The following PCDHA12 variants were observed in gnomAD, a reference collection of about 807,000 sequenced individuals.
PCDHA12 encodes protocadherin alpha-12.
PCDHA12 carries 44 observed loss-of-function variants against 60.0 expected under a neutral mutation model. The observed-to-expected ratio is 0.73, with a 90% CI of 0.58 to 0.94. The LOEUF is 0.94. PCDHA12 is among the 40% of genes least tolerant of loss of function. The pLI, the probability that PCDHA12 is intolerant of heterozygous loss-of-function variation, is 0.00. For synonymous variants in PCDHA12, 569 were observed against 553.0 expected (o/e 1.03, Z -0.40); for missense variants, 1,276 against 1,239.7 (o/e 1.03, Z -0.44).
intron 1 of PCDHA12, among the ~76,000 whole-genome samples, chr5:140,950,449 T>G (rs1377637881): frequency 4.6e-5 from 7 of 152,088 alleles, no homozygotes; most frequent in African/African-American, 1.7e-4. Flanking sequence ...GTTATTCTAC[T>G]GTCTTCTAAT....
Position 140,918,319 on chromosome 5 carries a change from A to T in PCDHA12, c.2367+40480A>T, listed in dbSNP as rs568659309. Among the ~76,000 whole-genome samples, 8 of 152,266 alleles carry T rather than the reference A, an allele frequency of 5.3e-5. No individual in the cohort carries two copies. In the South Asian group the frequency reaches 1.7e-3, roughly 32 times the overall value. ...GAATATAGGGTTTTCTAGGTATAAAATTATATTGTCTGCTAAGAGAGATAG... is the reference window on the plus strand; with the variant it reads ...GAATATAGGGTTTTCTAGGTATAAATTTATATTGTCTGCTAAGAGAGATAG... On this transcript the variant is annotated intron_variant, in intron 1 of 3. Coordinates refer to ENST00000398631, the MANE Select transcript of PCDHA12 (RefSeq NM_018903.4).
Position 140,982,613 on chromosome 5 carries a change from A to G in PCDHA12, c.2515+50A>G, listed in dbSNP as rs201150239. ...CTTTCTTGGTTTCTGGAAAGTGATC[A>G]GATGACCTACTTTTGTAAGATCAGG... On this transcript the variant is annotated intron_variant, in intron 3 of 3. Transcript: ENST00000398631. 2.7e-5 allele frequency: 43 copies of G among 1,599,298 alleles called. No individual in the cohort carries two copies. The Admixed American group carries it at 7.0e-4, about 26-fold the overall frequency.
At chr5:140,952,104 C>T (rs1009516552) in intron 1 of PCDHA12, among the ~76,000 whole-genome samples, 3 of 152,102 alleles carry the variant, frequency 2.0e-5, no homozygotes, top group South Asian at 2.1e-4. Flanking sequence ...AGGGCACACT[C>T]GTGTGAGGGA....
At chr5:141,006,445 C>T (rs1202981865) in intron 3 of PCDHA12, among the ~76,000 whole-genome samples, 2 of 152,062 alleles carry the variant, frequency 1.3e-5, no homozygotes, top group Non-Finnish European at 2.9e-5. Context: ...AATCTCCTGA[C>T]CTCGAGATCT....
At chr5:140,934,171 A>C (rs965826085) in intron 1 of PCDHA12, among the ~76,000 whole-genome samples, 11 of 152,160 alleles carry the variant, frequency 7.2e-5, no homozygotes, top group African/African-American at 2.7e-4. Context: ...GTGCAACAGA[A>C]GTACTCTAAA....
At chr5:141,002,759 G>A (rs1312107218) in intron 3 of PCDHA12, among the ~76,000 whole-genome samples, 1 of 152,214 alleles carries the variant, frequency 6.6e-6, no homozygotes, top group Non-Finnish European at 1.5e-5. Flanking sequence ...ACCCTGTGAT[G>A]TAGACAGGAA....
At chr5:140,920,989 A>C (rs1409702083) in intron 1 of PCDHA12, among the ~76,000 whole-genome samples, 1 of 151,756 alleles carries the variant, frequency 6.6e-6, no homozygotes, top group Non-Finnish European at 1.5e-5. Context: ...GTATTTGCTT[A>C]TTTTTTCAGA....
intron 1 of PCDHA12, among the ~76,000 whole-genome samples, chr5:140,952,427 C>T (rs2094744253): frequency 6.6e-6 from 1 of 152,162 alleles, no homozygotes; most frequent in African/African-American, 2.4e-5. Flanking sequence ...CAGATTCCTA[C>T]AGCACAGGCA....
intron 1 of PCDHA12, chr5:140,883,398 G>C: frequency 6.2e-7 from 1 of 1,614,166 alleles, no homozygotes; most frequent in Non-Finnish European, 8.5e-7. Context: ...GTGTCCGATC[G>C]TGACTCTGGC....
intron 1 of PCDHA12, chr5:140,883,940 G>T: frequency 6.2e-7 from 1 of 1,613,412 alleles, no homozygotes; most frequent in Non-Finnish European, 8.5e-7. Flanking sequence ...CGTGCTGGAC[G>T]AGAACGACAA....
chr5:140,990,379 G>C (rs1554251452), intron 3 of PCDHA12, among the ~76,000 whole-genome samples: 3 of 152,092 alleles, frequency 2.0e-5, no homozygotes. Context: ...CAAATTTGTT[G>C]GTGATGTTCC....
At chr5:140,990,109 T>C (rs2097374572) in intron 3 of PCDHA12, among the ~76,000 whole-genome samples, 1 of 151,886 alleles carries the variant, frequency 6.6e-6, no homozygotes, top group African/African-American at 2.4e-5. Context: ...AAACAGGAAA[T>C]TGAGAGCTCT....
At chr5:140,970,562 A>G (rs1406680335) in intron 1 of PCDHA12, among the ~76,000 whole-genome samples, 1 of 152,156 alleles carries the variant, frequency 6.6e-6, no homozygotes, top group African/African-American at 2.4e-5. Flanking sequence ...TCGTCTCCAT[A>G]TGTATGCTTG....
intron 1 of PCDHA12, among the ~76,000 whole-genome samples, chr5:140,887,705 T>G (rs1016402630): frequency 6.6e-6 from 1 of 152,172 alleles, no homozygotes; most frequent in Non-Finnish European, 1.5e-5. Context: ...TCAACCATAC[T>G]TCTTCTAATA....
intron 3 of PCDHA12, among the ~76,000 whole-genome samples, chr5:140,997,129 C>A (rs983112049): frequency 6.6e-6 from 1 of 151,976 alleles, no homozygotes; most frequent in Non-Finnish European, 1.5e-5. Flanking sequence ...ATACACAATG[C>A]CCCCACACCC....
In PCDHA12 at chr5:140,888,521, C is replaced by T. The variant is rs191011552; in HGVS notation, c.2367+10682C>T. ...TAAAGAGTCTTGGACTTAGTTCTGACGTGAAGTTAAGTTGCTCAGTACCAA... is the reference window on the plus strand; with the variant it reads ...TAAAGAGTCTTGGACTTAGTTCTGATGTGAAGTTAAGTTGCTCAGTACCAA... On this transcript the variant is annotated intron_variant, in intron 1 of 3. Transcript: ENST00000398631. Among the ~76,000 whole-genome samples, 432 of 152,260 alleles carry T rather than the reference C, an allele frequency of 2.8e-3. 2 individuals carry two copies. The highest frequency in any genetic ancestry group is 0.014 in the Middle Eastern group (4 of 292).
intron 1 of PCDHA12, among the ~76,000 whole-genome samples, chr5:140,952,415 C>T (rs138050953): frequency 7.9e-4 from 120 of 152,134 alleles, no homozygotes; most frequent in Admixed American, 1.6e-3. Context: ...TTTAATGTTC[C>T]GCAGATTCCT....
At chr5:140,880,842 T>C (rs1554171525) in intron 1 of PCDHA12, among the ~76,000 whole-genome samples, 1 of 152,194 alleles carries the variant, frequency 6.6e-6, no homozygotes, top group East Asian at 1.9e-4. Flanking sequence ...TTTAAATGGT[T>C]GACTATGTAG....
Position 140,967,929 on chromosome 5 carries a change from G to A in PCDHA12, c.2368-11020G>A, listed in dbSNP as rs1554230126. 5 of 1,614,096 alleles carry A rather than the reference G, an allele frequency of 3.1e-6. No homozygotes were observed. The South Asian group carries it at 4.4e-5, about 14-fold the overall frequency. ...CCCAACACCATTGTGGCCGTTCTCAGTGTCAATGACCAAGACTCAGGCCCC... is the reference window on the plus strand; with the variant it reads ...CCCAACACCATTGTGGCCGTTCTCAATGTCAATGACCAAGACTCAGGCCCC... On this transcript the variant is annotated intron_variant, in intron 1 of 3. Coordinates refer to ENST00000398631, the MANE Select transcript of PCDHA12 (RefSeq NM_018903.4).
Sources: allele counts gnomAD v4.1 joint callset (sites outside exome capture counted in the v4.1 genomes callset), GRCh38; gene constraint gnomAD v4.1.1; transcripts MANE v1.5; gene names NCBI Gene and HGNC (gene_info 2026-07-23, HGNC 2026-07-21).